CTNNA3: variants seen among roughly 807,000 people sequenced by gnomAD.
The protein encoded by CTNNA3 is catenin alpha 3, also known as catenin alpha-3.
Under a neutral mutation model 95.7 loss-of-function variants are expected in CTNNA3, and 76 were observed. The ratio of observed to expected loss-of-function variants is 0.79; its 90% CI spans 0.66 to 0.96. The LOEUF (loss-of-function observed/expected upper bound fraction) is 0.96, where lower values mean the gene tolerates loss of function less well. Among genes scored for constraint, CTNNA3 ranks in the 40% least tolerant of loss-of-function variants. The pLI is 0.00. For synonymous variants in CTNNA3, 431 were observed against 374.4 expected (o/e 1.15, Z -1.74); for missense variants, 1,191 against 1,089.8 (o/e 1.09, Z -1.31).
At chr10:65,979,090 A>G (rs2078266800) in intron 16 of CTNNA3, among the ~76,000 whole-genome samples, 1 of 152,158 alleles carries the variant, frequency 6.6e-6, no homozygotes, top group Non-Finnish European at 1.5e-5. Flanking sequence ...ACCAGAAGTT[A>G]TATATGCTGT....
chr10:67,479,011 A>G (rs1379986841), intron 5 of CTNNA3, among the ~76,000 whole-genome samples: 2 of 152,170 alleles, frequency 1.3e-5, no homozygotes, highest in Non-Finnish European at 2.9e-5. Flanking sequence ...GAAGACAAAG[A>G]AGGTTATTAC....
chr10:67,718,253 A>G (rs759387134), intron 1 of CTNNA3, among the ~76,000 whole-genome samples: 27 of 152,226 alleles, frequency 1.8e-4, no homozygotes, highest in Non-Finnish European at 3.5e-4. Context: ...CAATCATGCC[A>G]TCTGTAAACA....
chr10:66,518,318 A>G (rs1840934641), intron 11 of CTNNA3, among the ~76,000 whole-genome samples: 1 of 152,094 alleles, frequency 6.6e-6, no homozygotes. Context: ...TTGGTAAATT[A>G]TGGTTCCCCT....
intron 15 of CTNNA3, among the ~76,000 whole-genome samples, chr10:66,001,171 G>C (rs919241984): frequency 6.6e-6 from 1 of 152,032 alleles, no homozygotes; most frequent in African/African-American, 2.4e-5. Context: ...CGGGGGTCAT[G>C]ACAAGTGATT....
At chr10:67,275,561 C>T (rs989277748) in intron 5 of CTNNA3, among the ~76,000 whole-genome samples, 5 of 151,738 alleles carry the variant, frequency 3.3e-5, no homozygotes, top group Non-Finnish European at 5.9e-5. Flanking sequence ...TAACAGTAAA[C>T]CCTAAAAGAA....
chr10:66,438,979 G>C (rs1298204583), intron 11 of CTNNA3, among the ~76,000 whole-genome samples: 1 of 152,082 alleles, frequency 6.6e-6, no homozygotes, highest in Non-Finnish European at 1.5e-5. Context: ...TCCCGGGTGA[G>C]GTGATGCCCC....
At chr10:67,096,090 A>T (rs1156953669) in intron 7 of CTNNA3, among the ~76,000 whole-genome samples, 1 of 151,840 alleles carries the variant, frequency 6.6e-6, no homozygotes, top group African/African-American at 2.4e-5. Flanking sequence ...TTACTCTGGA[A>T]TTTTCATTTA....
At chr10:66,918,402 A>G (rs1425197666) in intron 7 of CTNNA3, among the ~76,000 whole-genome samples, 1 of 152,212 alleles carries the variant, frequency 6.6e-6, no homozygotes, top group Non-Finnish European at 1.5e-5. Flanking sequence ...GTCCTGTATT[A>G]CTCAAAAGTT....
intron 7 of CTNNA3, among the ~76,000 whole-genome samples, chr10:66,967,041 T>C (rs1390033020): frequency 6.6e-6 from 1 of 152,020 alleles, no homozygotes; most frequent in Non-Finnish European, 1.5e-5. Flanking sequence ...AAAAGAAATA[T>C]TAAGTATAAC....
intron 5 of CTNNA3, among the ~76,000 whole-genome samples, chr10:67,516,917 T>C (rs1839835384): frequency 6.6e-6 from 1 of 152,204 alleles, no homozygotes; most frequent in South Asian, 2.1e-4. Flanking sequence ...AACCATACTA[T>C]TGCAAAGGCA....
At chr10:66,613,645 A>G (rs10997260) in intron 10 of CTNNA3, among the ~76,000 whole-genome samples, 58,091 of 151,930 alleles carry the variant, frequency 0.38, 11,763 homozygotes, top group Non-Finnish European at 0.44. Context: ...AGTCTTGAGG[A>G]TACACCACTC....
chr10:67,157,095 G>C (rs897926003), intron 7 of CTNNA3, among the ~76,000 whole-genome samples: 1 of 152,060 alleles, frequency 6.6e-6, no homozygotes, highest in African/African-American at 2.4e-5. Context: ...ATAAGTCCTA[G>C]TTAGAGCAAT....
At chr10:67,481,255 A>G (rs1300266809) in intron 5 of CTNNA3, among the ~76,000 whole-genome samples, 1 of 152,224 alleles carries the variant, frequency 6.6e-6, no homozygotes, top group Non-Finnish European at 1.5e-5. Flanking sequence ...CATCTTCAGC[A>G]TAGTACTGGA....
intron 1 of CTNNA3, among the ~76,000 whole-genome samples, chr10:67,703,669 A>C (rs1469891604): frequency 6.6e-6 from 1 of 152,208 alleles, no homozygotes; most frequent in Non-Finnish European, 1.5e-5. Context: ...AGCCAATATC[A>C]TACTGAATGG....
intron 1 of CTNNA3, among the ~76,000 whole-genome samples, chr10:67,673,838 T>C (rs1247988136): frequency 7.0e-6 from 1 of 143,238 alleles, no homozygotes; most frequent in Non-Finnish European, 1.5e-5. Flanking sequence ...CTTCTTGTTA[T>C]GTGATAAAAA....
chr10:66,379,454 T>C, intron 11 of CTNNA3, 102 bp from the exon 12 acceptor site: 5 of 961,888 alleles, frequency 5.2e-6, no homozygotes, highest in Non-Finnish European at 7.8e-6. Context: ...TCAGATAGAG[T>C]GCACATTGGA....
chr10:67,743,350 C>T (rs199995964), intron 1 of CTNNA3, among the ~76,000 whole-genome samples: 11,412 of 151,008 alleles, frequency 0.076, 1,011 homozygotes, highest in African/African-American at 0.19. Context: ...GTTCAACATA[C>T]GCAAATCAAT....
chr10:66,785,243 A>G (rs1001386674), intron 7 of CTNNA3, among the ~76,000 whole-genome samples: 1 of 152,222 alleles, frequency 6.6e-6, no homozygotes, highest in African/African-American at 2.4e-5. Flanking sequence ...CAGACCTCCA[A>G]GGAACCCTCA....
At chr10:66,045,564 A>G (rs1349654799) in intron 15 of CTNNA3, among the ~76,000 whole-genome samples, 1 of 152,184 alleles carries the variant, frequency 6.6e-6, no homozygotes, top group Non-Finnish European at 1.5e-5. Flanking sequence ...CTTCTTTTTA[A>G]TAATAGAAGG....
Sources: gnomAD v4.1 joint callset for allele counts (sites outside exome capture counted in the v4.1 genomes callset) on GRCh38, gnomAD v4.1.1 for gene constraint, MANE v1.5 for transcripts, NCBI Gene and HGNC (gene_info 2026-07-23, HGNC 2026-07-21) for gene names.